The following TOR1AIP1 variants were observed in gnomAD, a reference collection of about 807,000 sequenced individuals.
The protein encoded by TOR1AIP1 is torsin 1A interacting protein 1, also known as torsin-1A-interacting protein 1.
Under a neutral mutation model 63.3 loss-of-function variants are expected in TOR1AIP1, and 54 were observed. The ratio of observed to expected loss-of-function variants is 0.85; its 90% CI spans 0.69 to 1.07. The LOEUF (loss-of-function observed/expected upper bound fraction) is 1.07. TOR1AIP1 is among the 50% of genes least tolerant of loss of function. The pLI is 0.00. For synonymous variants in TOR1AIP1, 294 were observed against 273.5 expected, an observed-to-expected ratio of 1.07 and a Z score of -0.74; for missense variants, 736 against 715.0, an observed-to-expected ratio of 1.03 and a Z score of -0.33.
intron 6 of TOR1AIP1, 49 bp from the exon 7 acceptor site, chr1:179,907,774 G>A (rs1450232209): frequency 1.4e-6 from 2 of 1,454,516 alleles, no homozygotes; most frequent in Non-Finnish European, 9.3e-7. Flanking sequence ...CATCTTTTTT[G>A]TTGTTATTTT....
At chr1:179,890,106 T>C (rs891700140) in intron 3 of TOR1AIP1, among the ~76,000 whole-genome samples, 12 of 152,238 alleles carry the variant, frequency 7.9e-5, no homozygotes, top group African/African-American at 2.4e-4. Flanking sequence ...GACTTTATTC[T>C]TCCAGTATAC....
rs770895707 is a variant in TOR1AIP1 at position 179,908,673 on chromosome 1, A to G, written c.907A>G (p.Asn303Asp). 1.2e-5 allele frequency: 19 copies of G among 1,611,996 alleles called. No homozygotes were observed. The highest frequency in any genetic ancestry group is 1.5e-5 in the Non-Finnish European group (18 of 1,178,656). The change falls in exon 8 of 10, where the codon AAT becomes GAT. Residue 303 changes from asparagine (N) to aspartate (D), a missense_variant and splice_region_variant. Asn to Asp is a conservative substitution (Grantham distance 23). Around this residue, in one of 2 missense-constraint regions of TOR1AIP1, gnomAD observed 272 missense variants for 344.1 expected, o/e 0.79. Coordinates refer to ENST00000606911, the MANE Select transcript of TOR1AIP1 (RefSeq NM_015602.4). The stretch of plus-strand genomic sequence containing the variant: ...TGCAAGAATAAGGACCAGGATGCAA[A>G]GTAAGTAGATAAATCTCTGTTATTG... ...QTARIRTRMQ[N>D]DSILKSELGN...
At chr1:179,892,399 G>A (rs572918009) in intron 3 of TOR1AIP1, among the ~76,000 whole-genome samples, 1 of 152,122 alleles carries the variant, frequency 6.6e-6, no homozygotes, top group Admixed American at 6.6e-5. Flanking sequence ...CTTATACCCA[G>A]GATGCAGAGG....
intron 3 of TOR1AIP1, among the ~76,000 whole-genome samples, chr1:179,897,375 C>T (rs987257567): frequency 6.6e-6 from 1 of 152,116 alleles, no homozygotes; most frequent in Non-Finnish European, 1.5e-5. Context: ...TTTTAGGCAA[C>T]TTGGTATATG....
Position 179,918,235 on chromosome 1 carries a change from TATAAGAA to T in TOR1AIP1, c.1749_*3del, listed in dbSNP as rs1649088198. 2.5e-6 allele frequency: 4 copies of T among 1,583,932 alleles called. No individual in the cohort carries two copies. Among genetic ancestry groups the T allele is most frequent in the Non-Finnish European group, 3.4e-6 (4 of 1,172,950 alleles). On this transcript the variant is annotated stop_retained_variant and 3_prime_UTR_variant, in exon 10 of 10. Transcript: ENST00000606911. Reference sequence around the variant, plus strand: ...AATGCCCTGAAAAGGGGCATCTGCTTATAAGAAGTGAGAGAGAAGAAAAATCATGTCC... The same window carrying T: ...AATGCCCTGAAAAGGGGCATCTGCTTGTGAGAGAGAAGAAAAATCATGTCC...
chr1:179,889,804 C>T (rs1326323242), intron 3 of TOR1AIP1, among the ~76,000 whole-genome samples: 1 of 152,084 alleles, frequency 6.6e-6, no homozygotes. Flanking sequence ...ATGCATCCAC[C>T]ACCACGCCTG....
At chr1:179,894,304 T>C (rs191367344) in intron 3 of TOR1AIP1, among the ~76,000 whole-genome samples, 14 of 151,850 alleles carry the variant, frequency 9.2e-5, no homozygotes, top group Admixed American at 2.6e-4. Flanking sequence ...GTCATTTGTT[T>C]GTTGTCAGAG....
Position 179,882,972 on chromosome 1 carries a change from C to G in TOR1AIP1, c.470C>G (p.Ser157Cys). 6.2e-7 allele frequency: 1 copy of G among 1,610,384 alleles called. No homozygotes were observed. The highest frequency in any genetic ancestry group is 1.1e-5 in the South Asian group (1 of 90,796). ...TRRGLRDSHS[S>C]EEDEASSQTD... ...AGAGGGCTGCGGGACTCTCATTCCT[C>G]TGAAGGTGAGGACCGCGGAGGTAAC... Residue 157 changes from serine (S) to cysteine (C), a missense_variant, in exon 1 of 10, where the codon TCT becomes TGT. Physicochemically the swap from Ser to Cys is moderately radical, Grantham distance 112. This residue lies in a region of TOR1AIP1 where 464 missense variants were observed against 371.0 expected (regional missense o/e 1.25). Transcript: ENST00000606911.
intron 8 of TOR1AIP1, among the ~76,000 whole-genome samples, chr1:179,911,803 A>G (rs1648840991): frequency 1.3e-5 from 2 of 152,118 alleles, no homozygotes; most frequent in Admixed American, 1.3e-4. Context: ...ATGTGTAAAC[A>G]CAATTTTTTA....
intron 2 of TOR1AIP1, among the ~76,000 whole-genome samples, chr1:179,885,111 A>T (rs1261408024): frequency 6.6e-6 from 1 of 152,244 alleles, no homozygotes; most frequent in Non-Finnish European, 1.5e-5. Flanking sequence ...AATTTGTTCA[A>T]TGTCAAATGA....
intron 1 of TOR1AIP1, among the ~76,000 whole-genome samples, chr1:179,883,391 A>T (rs1360982693): frequency 1.3e-5 from 2 of 152,212 alleles, no homozygotes; most frequent in African/African-American, 4.8e-5. Context: ...CTCGCGGGCC[A>T]GAGTCCCCAG....
chr1:179,916,561 A>G (rs150688283), intron 9 of TOR1AIP1, among the ~76,000 whole-genome samples: 12 of 152,308 alleles, frequency 7.9e-5, no homozygotes, highest in East Asian at 3.9e-4. Flanking sequence ...ATTATTGCCA[A>G]TAGTAACTAG....
At chr1:179,915,059 T>C (rs1033396885) in intron 9 of TOR1AIP1, among the ~76,000 whole-genome samples, 5 of 152,324 alleles carry the variant, frequency 3.3e-5, no homozygotes, top group African/African-American at 1.2e-4. Context: ...CTTTAAAAAA[T>C]GGATTTGGAT....
intron 2 of TOR1AIP1, among the ~76,000 whole-genome samples, chr1:179,885,771 C>T (rs188866725): frequency 1.6e-4 from 25 of 152,112 alleles, no homozygotes; most frequent in African/African-American, 5.1e-4. Context: ...GACAAAGTCT[C>T]GCTCTGTTGC....
At chr1:179,890,121 A>G (rs1648023518) in intron 3 of TOR1AIP1, among the ~76,000 whole-genome samples, 3 of 152,186 alleles carry the variant, frequency 2.0e-5, no homozygotes, top group Non-Finnish European at 4.4e-5. Context: ...GTATACTGCT[A>G]ACAAAAAATT....
intron 6 of TOR1AIP1, among the ~76,000 whole-genome samples, chr1:179,905,026 T>C (rs1648584217): frequency 6.6e-6 from 1 of 152,238 alleles, no homozygotes; most frequent in Non-Finnish European, 1.5e-5. Flanking sequence ...TATCTTTGTA[T>C]GTAAAAATCT....
chr1:179,905,978 A>G (rs1228707694), intron 6 of TOR1AIP1, among the ~76,000 whole-genome samples: 1 of 152,208 alleles, frequency 6.6e-6, no homozygotes, highest in Non-Finnish European at 1.5e-5. Context: ...CTATTTAGAA[A>G]TGAAAAATGA....
At chr1:179,909,389 TTTTG>T (rs1648757576) in intron 8 of TOR1AIP1, among the ~76,000 whole-genome samples, 2 of 630 alleles carry the variant, frequency 3.2e-3, no homozygotes, top group South Asian at 0.067. Flanking sequence ...CTGTTTTTTG[TTTTG>T]TTTTGTTTTG....
intron 9 of TOR1AIP1, 143 bp from the exon 10 acceptor site, chr1:179,917,309 T>G: frequency 1.4e-6 from 1 of 725,400 alleles, no homozygotes; most frequent in South Asian, 1.9e-5. Flanking sequence ...ATTATTTTAT[T>G]AAGAAAATTA....
Sources: gnomAD v4.1 joint callset for allele counts (sites outside exome capture counted in the v4.1 genomes callset) on GRCh38, gnomAD v4.1.1 for gene constraint, gnomAD v4.1.1 regional missense constraint, MANE v1.5 for transcripts, NCBI Gene and HGNC (gene_info 2026-07-23, HGNC 2026-07-21) for gene names.